Variants in ERBB4 observed in about 807,000 individuals in gnomAD.
The protein encoded by ERBB4 is receptor tyrosine-protein kinase erbB-4.
A neutral mutation model predicts 158.0 loss-of-function variants in ERBB4; 42 were observed. That is an observed-to-expected ratio of 0.27 (90% confidence interval 0.21 to 0.34). The LOEUF (loss-of-function observed/expected upper bound fraction) is 0.34. ERBB4 is among the 10% of genes least tolerant of loss of function. ERBB4 has a pLI of 1.00. For missense variants in ERBB4, 1,333 were observed against 1,624.1 expected, an observed-to-expected ratio of 0.82 and a Z score of 3.08; for synonymous variants, 583 against 558.7, an observed-to-expected ratio of 1.04 and a Z score of -0.61.
At chr2:211,539,173 A>G (rs1426795195) in intron 20 of ERBB4, among the ~76,000 whole-genome samples, 1 of 151,928 alleles carries the variant, frequency 6.6e-6, no homozygotes, top group African/African-American at 2.4e-5. Flanking sequence ...GAAATCAATA[A>G]AACATTTGAC....
chr2:211,946,569 T>C (rs1298716945), intron 3 of ERBB4, among the ~76,000 whole-genome samples: 2 of 142,434 alleles, frequency 1.4e-5, no homozygotes, highest in Admixed American at 7.5e-5. Flanking sequence ...ATTTACTAAT[T>C]AGCTCTCTTT....
intron 1 of ERBB4, among the ~76,000 whole-genome samples, chr2:212,299,734 T>C (rs545051776): frequency 6.6e-6 from 1 of 151,596 alleles, no homozygotes; most frequent in Non-Finnish European, 1.5e-5. Context: ...CAAGCACTAA[T>C]GAGCAGCGAT....
intron 20 of ERBB4, among the ~76,000 whole-genome samples, chr2:211,555,140 G>A (rs1008746819): frequency 6.6e-6 from 1 of 152,142 alleles, no homozygotes; most frequent in Non-Finnish European, 1.5e-5. Flanking sequence ...TGCAGAGGGA[G>A]CATGACTGCC....
In ERBB4 at chr2:211,740,744, G is replaced by A. The variant is rs535969024; in HGVS notation, c.622+9895C>T. Among the ~76,000 whole-genome samples, 16 of 149,160 alleles carry A rather than the reference G, an allele frequency of 1.1e-4. No individual in the cohort carries two copies. In the South Asian group the frequency reaches 3.4e-3, roughly 31 times the overall value. ...ACGTGCCTCAGCTTCCCGAGTAGCTGGGACTATAGGCGCCCGCCACCACAC... is the reference window on the plus strand; with the variant it reads ...ACGTGCCTCAGCTTCCCGAGTAGCTAGGACTATAGGCGCCCGCCACCACAC... On this transcript the variant is annotated intron_variant, in intron 5 of 27. Transcript: ENST00000342788.
At chr2:211,822,716 T>C (rs1267264242) in intron 3 of ERBB4, among the ~76,000 whole-genome samples, 1 of 145,016 alleles carries the variant, frequency 6.9e-6, no homozygotes, top group Admixed American at 6.8e-5. Context: ...GATAGAATAT[T>C]GTATAACTAT....
intron 1 of ERBB4, among the ~76,000 whole-genome samples, chr2:212,156,567 A>G (rs1229014408): frequency 1.3e-5 from 2 of 152,172 alleles, no homozygotes; most frequent in African/African-American, 4.8e-5. Context: ...ATGATCTTCA[A>G]CATAAGACAA....
intron 2 of ERBB4, among the ~76,000 whole-genome samples, chr2:212,015,044 AT>A (rs377695326): frequency 2.4e-4 from 1 of 4,116 alleles, no homozygotes; most frequent in Non-Finnish European, 5.4e-4. Context: ...AAAAAAAAAT[AT>A]ATATATATAT....
chr2:211,601,025 G>C (rs1373529461), intron 19 of ERBB4, among the ~76,000 whole-genome samples: 1 of 151,952 alleles, frequency 6.6e-6, no homozygotes, highest in Non-Finnish European at 1.5e-5. Context: ...CAAACAGAAA[G>C]AAAAGAACCC....
At chr2:211,625,371 T>C (rs2069803195) in intron 17 of ERBB4, among the ~76,000 whole-genome samples, 1 of 152,186 alleles carries the variant, frequency 6.6e-6, no homozygotes. Flanking sequence ...TGAATTACCA[T>C]GCTTCTGTGA....
intron 1 of ERBB4, among the ~76,000 whole-genome samples, chr2:212,530,144 GGAAGAA>G (rs540128437): frequency 2.0e-5 from 3 of 151,496 alleles, no homozygotes; most frequent in African/African-American, 4.9e-5. Flanking sequence ...TTGAGGACGT[GGAAGAA>G]GAAGAATACC....
chr2:211,740,354 A>G (rs1186151788), intron 5 of ERBB4, among the ~76,000 whole-genome samples: 1 of 152,238 alleles, frequency 6.6e-6, no homozygotes, highest in East Asian at 1.9e-4. Context: ...GAAAGTGCCC[A>G]TGGTAATGGA....
chr2:212,104,353 G>A (rs557624462), intron 2 of ERBB4, among the ~76,000 whole-genome samples: 2 of 151,884 alleles, frequency 1.3e-5, no homozygotes, highest in African/African-American at 4.8e-5. Context: ...TGTCCTTGTG[G>A]AATTTGAAAA....
chr2:211,523,083 A>C (rs1284795324), intron 20 of ERBB4, among the ~76,000 whole-genome samples: 2 of 149,826 alleles, frequency 1.3e-5, no homozygotes, highest in Non-Finnish European at 3.0e-5. Context: ...GGATAGAATG[A>C]AAGGGGTAGA....
intron 16 of ERBB4, among the ~76,000 whole-genome samples, chr2:211,644,215 T>C (rs2070703055): frequency 6.6e-6 from 1 of 152,050 alleles, no homozygotes; most frequent in Admixed American, 6.6e-5. Flanking sequence ...AATTGATTAG[T>C]TTTTATATTC....
At chr2:212,107,120 C>T (rs958793972) in intron 2 of ERBB4, among the ~76,000 whole-genome samples, 5 of 152,142 alleles carry the variant, frequency 3.3e-5, no homozygotes, top group African/African-American at 9.6e-5. Flanking sequence ...CCTCCAGGAC[C>T]CTAAATAATA....
At chr2:212,467,658 C>T (rs928239358) in intron 1 of ERBB4, among the ~76,000 whole-genome samples, 2 of 152,200 alleles carry the variant, frequency 1.3e-5, no homozygotes, top group African/African-American at 4.8e-5. Flanking sequence ...AGGTGGGATG[C>T]TCATGGAGAA....
chr2:212,190,763 T>G (rs749089679), intron 1 of ERBB4, among the ~76,000 whole-genome samples: 1 of 152,148 alleles, frequency 6.6e-6, no homozygotes, highest in East Asian at 1.9e-4. Flanking sequence ...CTTAAATGAA[T>G]GTATTTTGGA....
At chr2:212,377,967 T>A (rs186986558) in intron 1 of ERBB4, among the ~76,000 whole-genome samples, 1 of 147,072 alleles carries the variant, frequency 6.8e-6, no homozygotes, top group Non-Finnish European at 1.5e-5. Context: ...TATCTTTTAA[T>A]TTTTTTTTGT....
Position 211,894,981 on chromosome 2 carries a change from A to T in ERBB4, c.421+52449T>A, listed in dbSNP as rs2079062658. Among the ~76,000 whole-genome samples, 3 of 152,200 alleles carry T rather than the reference A, an allele frequency of 2.0e-5. No homozygotes were observed. In the South Asian group the frequency reaches 6.2e-4, roughly 32 times the overall value. On this transcript the variant is annotated intron_variant, in intron 3 of 27. Coordinates refer to ENST00000342788, the MANE Select transcript of ERBB4 (RefSeq NM_005235.3). ...TTTGTTGCTAAGCAAGTAAATCAAG[A>T]CTATGTAGTACAATTTTGAAAGGCA...
Sources: allele counts gnomAD v4.1 joint callset (sites outside exome capture counted in the v4.1 genomes callset), GRCh38; gene constraint gnomAD v4.1.1; transcripts MANE v1.5; gene names NCBI Gene and HGNC (gene_info 2026-07-23, HGNC 2026-07-21).